Variants in SPACA3 observed in about 807,000 individuals in gnomAD.
SPACA3 encodes the protein sperm acrosome associated 3.
Under a neutral mutation model 24.5 loss-of-function variants are expected in SPACA3, and 21 were observed. The ratio of observed to expected loss-of-function variants is 0.86; its 90% CI spans 0.61 to 1.24. The LOEUF (loss-of-function observed/expected upper bound fraction) is 1.24, where lower values mean the gene tolerates loss of function less well. SPACA3 is among the 50% of genes most tolerant of loss of function. The probability of loss-of-function intolerance (pLI) is 0.00; values close to 1 mark genes in which losing one functional copy is unlikely to be tolerated. For missense variants in SPACA3, 278 were observed against 275.5 expected, an observed-to-expected ratio of 1.01 and a Z score of -0.06; for synonymous variants, 115 against 106.9, an observed-to-expected ratio of 1.08 and a Z score of -0.47.
chr17:32,993,906 A>G (rs1449558699), intron 1 of SPACA3, among the ~76,000 whole-genome samples: 2 of 151,932 alleles, frequency 1.3e-5, no homozygotes, highest in East Asian at 1.9e-4. Context: ...ACAAATCTAG[A>G]GCTTAGAGGG....
intron 1 of SPACA3, chr17:32,992,903 G>A: frequency 2.1e-6 from 1 of 471,142 alleles, no homozygotes; most frequent in Non-Finnish European, 4.4e-6. Context: ...CACAGGGCTG[G>A]GCTTTTCATT....
At chr17:32,994,206 T>C (rs2091708738) in intron 1 of SPACA3, among the ~76,000 whole-genome samples, 1 of 152,190 alleles carries the variant, frequency 6.6e-6, no homozygotes, top group Non-Finnish European at 1.5e-5. Context: ...CGAGTACCAG[T>C]GTTAGTTGTA....
At chr17:32,996,706 T>G in intron 2 of SPACA3, 137 bp from the exon 3 acceptor site, 4 of 777,408 alleles carry the variant, frequency 5.1e-6, no homozygotes, top group Non-Finnish European at 6.5e-6. Context: ...GCAAAGCAGG[T>G]GGGAGGCACC....
intron 1 of SPACA3, chr17:32,992,942 A>G: frequency 2.1e-6 from 1 of 471,084 alleles, no homozygotes; most frequent in Admixed American, 2.3e-5. Flanking sequence ...GGATGTGTAT[A>G]GAATAGCTTG....
At position 32,997,312 on chromosome 17, in the gene SPACA3, AGTGTGTGTGT is replaced by A. The variant is rs376224282; in HGVS notation, c.503-110_503-101del. On this transcript the variant is annotated intron_variant, in intron 3 of 4. Transcript: ENST00000269053. ...GACAGGATTGGATTTAGGCGAGTGG[AGTGTGTGTGT>A]GTGTGTGTGTGTGTGTGTGTGTAGA... 71 of 511,980 alleles carry A rather than the reference AGTGTGTGTGT, an allele frequency of 1.4e-4. 1 individual carries two copies. The African/African-American group carries it at 1.4e-3, about 10-fold the overall frequency. The allele number at this position is 511,980 out of a possible 1,614,324, so 31.7% of individuals were successfully genotyped here.
At chr17:32,996,719 C>A in intron 2 of SPACA3, 124 bp from the exon 3 acceptor site, 2 of 1,136,448 alleles carry the variant, frequency 1.8e-6, no homozygotes, top group Non-Finnish European at 2.3e-6. Flanking sequence ...GAGGCACCTG[C>A]CCCAATCACC....
Position 32,995,660 on chromosome 17 carries a change from G to C in SPACA3, c.286G>C (p.Ala96Pro), listed in dbSNP as rs756949250. The C allele has an allele frequency of 6.8e-6, 11 of 1,614,204 alleles. No homozygotes were observed. Among genetic ancestry groups the C allele is most frequent in the Non-Finnish European group, 9.3e-6 (11 of 1,180,042 alleles). The change falls in exon 2 of 5, where the codon GCC (alanine) becomes CCC (proline). Residue 96 changes from alanine (A) to proline (P), a missense_variant. Transcript: ENST00000269053. ...EAKLYGRCEL[A>P]RVLHDFGLDG... Reference sequence around the variant, plus strand: ...CAAGCTCTACGGTCGTTGTGAACTGGCCAGAGTGCTACATGACTTCGGGCT... The same window carrying C: ...CAAGCTCTACGGTCGTTGTGAACTGCCCAGAGTGCTACATGACTTCGGGCT...
chr17:32,997,553 G>C (rs1454590798), intron 4 of SPACA3, 30 bp downstream of exon 4: 2 of 1,602,128 alleles, frequency 1.2e-6, no homozygotes, highest in Non-Finnish European at 8.6e-7. Context: ...GCCCCGCAGC[G>C]GTGGTATGGT....
intron 1 of SPACA3, 136 bp downstream of exon 1, chr17:32,992,108 GGAGAGA>G (rs113235680): frequency 1.9e-5 from 14 of 718,770 alleles, no homozygotes; most frequent in African/African-American, 3.7e-5. Context: ...AGCTGAGAGA[GGAGAGA>G]GAGAGAGAGA....
chr17:32,991,965 C>T lies in SPACA3; in HGVS notation c.27C>T (p.Pro9=). The part of the protein sequence containing the change: MVSALRGA[P]LIRVHSSPVS... ...TGGTCTCAGCTCTGCGGGGAGCACC[C>T]CTGATCAGTGAGCCCCCTTTCCCTT... The change falls in exon 1 of 5, where the codon CCC becomes CCT. Residue 9 remains proline, a synonymous_variant. Transcript: ENST00000269053. 1 of 1,613,872 alleles carries T rather than the reference C, an allele frequency of 6.2e-7. No individual in the cohort carries two copies. The highest frequency in any genetic ancestry group is 1.1e-5 in the South Asian group (1 of 91,054).
intron 2 of SPACA3, among the ~76,000 whole-genome samples, chr17:32,996,475 TGAGA>T (rs2091722386): frequency 7.8e-6 from 1 of 128,564 alleles, no homozygotes; most frequent in African/African-American, 3.2e-5. Context: ...GGCAACAGAG[TGAGA>T]CTCCGTCTCA....
chr17:32,996,787 T>C (rs751479005), intron 2 of SPACA3, 56 bp from the exon 3 acceptor site: 1 of 1,441,096 alleles, frequency 6.9e-7, no homozygotes, highest in Non-Finnish European at 9.2e-7. Context: ...GTGAGCACCC[T>C]GGTCTGGGGT....
chr17:32,994,403 C>T (rs1286389380), intron 1 of SPACA3, among the ~76,000 whole-genome samples: 3 of 152,216 alleles, frequency 2.0e-5, no homozygotes, highest in East Asian at 1.9e-4. Flanking sequence ...CAGAGGGGGG[C>T]TTCCAACCCG....
In SPACA3 at chr17:32,997,813, G is replaced by A. The variant is rs747994713; in HGVS notation, c.*35G>A. ...AACCATGCACAGCAGGCTGGGAAAT[G>A]TGGTTTGGTTCCTGACCTAGGCTTG... On this transcript the variant is annotated 3_prime_UTR_variant, in exon 5 of 5. Transcript: ENST00000269053. The A allele has an allele frequency of 2.5e-5, 41 of 1,611,698 alleles. No homozygotes were observed. In the East Asian group the frequency reaches 7.8e-4, roughly 31 times the overall value.
Position 32,996,878 on chromosome 17 carries a change from G to A in SPACA3, c.379G>A (p.Ala127Thr), listed in dbSNP as rs761648320. The A allele has an allele frequency of 1.2e-5, 20 of 1,607,578 alleles. No individual in the cohort carries two copies. Among genetic ancestry groups the A allele is most frequent in the East Asian group, 4.5e-5 (2 of 44,552 alleles). The change falls in exon 3 of 5, where the codon GCA becomes ACA. Residue 127 changes from alanine (A) to threonine (T), a missense_variant. Transcript: ENST00000269053. ...CLAYFTSGFNAAALDYEADGS... is the reference protein window; with the variant it reads ...CLAYFTSGFNTAALDYEADGS... ...TGCTTATTTCACAAGCGGTTTCAACGCAGCTGCTTTGGACTACGAGGCTGA... is the reference window on the plus strand; with the variant it reads ...TGCTTATTTCACAAGCGGTTTCAACACAGCTGCTTTGGACTACGAGGCTGA...
intron 1 of SPACA3, among the ~76,000 whole-genome samples, chr17:32,993,962 C>T (rs11872083): frequency 0.43 from 64,978 of 151,646 alleles, 14,028 homozygotes; most frequent in East Asian, 0.6. Context: ...CAAACAATGA[C>T]GGGGTGGAGA....
In SPACA3 at chr17:32,995,633, G is replaced by A. The variant is rs201128410; in HGVS notation, c.259G>A (p.Ala87Thr). The A allele has an allele frequency of 5.0e-4, 804 of 1,614,226 alleles. 7 individuals are homozygous for A. The highest frequency in any genetic ancestry group is 3.9e-3 in the South Asian group (358 of 91,090). Residue 87 changes from alanine (A) to threonine (T), a missense_variant, in exon 2 of 5, where the codon GCC becomes ACC. Coordinates refer to ENST00000269053, the MANE Select transcript of SPACA3 (RefSeq NM_173847.5). The stretch of plus-strand genomic sequence containing the variant: ...CAGCTGCCTGCTACCCTCCAGTGAG[G>A]CCAAGCTCTACGGTCGTTGTGAACT... ...LLSCLLPSSEAKLYGRCELAR... is the reference protein window; with the variant it reads ...LLSCLLPSSETKLYGRCELAR...
At chr17:32,997,682 T>C (rs2091731676) in intron 4 of SPACA3, 30 bp from the exon 5 acceptor site, 3 of 1,611,108 alleles carry the variant, frequency 1.9e-6, no homozygotes, top group Non-Finnish European at 2.5e-6. Flanking sequence ...GCTGATATTA[T>C]CTCTCCTCTT....
chr17:32,993,399 G>A (rs55936430), intron 1 of SPACA3, among the ~76,000 whole-genome samples: 9,309 of 152,266 alleles, frequency 0.061, 404 homozygotes, highest in Non-Finnish European at 0.091. Flanking sequence ...CTCAAGGCAG[G>A]AAGGCCTTAG....
Sources: gnomAD v4.1 joint callset for allele counts (sites outside exome capture counted in the v4.1 genomes callset) on GRCh38, gnomAD v4.1.1 for gene constraint, MANE v1.5 for transcripts, NCBI Gene and HGNC (gene_info 2026-07-23, HGNC 2026-07-21) for gene names.